The following CDIN1 variants were observed in gnomAD, a reference collection of about 807,000 sequenced individuals.
CDIN1 encodes CDAN1 interacting nuclease 1.
A neutral mutation model predicts 45.3 loss-of-function variants in CDIN1; 33 were observed. The ratio of observed to expected loss-of-function variants is 0.73; its 90% CI spans 0.55 to 0.97. CDIN1 has a LOEUF of 0.97. Among genes scored for constraint, CDIN1 ranks in the 50% least tolerant of loss-of-function variants. The pLI, the probability that CDIN1 is intolerant of heterozygous loss-of-function variation, is 0.00. For synonymous variants in CDIN1, 118 were observed against 124.4 expected (o/e 0.95, Z 0.34); for missense variants, 303 against 339.4 (o/e 0.89, Z 0.84).
chr15:36,644,987 A>G (rs1447981150), intron 2 of CDIN1, among the ~76,000 whole-genome samples: 1 of 152,180 alleles, frequency 6.6e-6, no homozygotes, highest in Non-Finnish European at 1.5e-5. Context: ...GCTTTTACAT[A>G]TATACCGTAC....
At chr15:36,594,548 A>G (rs1399521847) in intron 1 of CDIN1, among the ~76,000 whole-genome samples, 2 of 152,236 alleles carry the variant, frequency 1.3e-5, no homozygotes, top group Admixed American at 6.5e-5. Flanking sequence ...CAATGGCACA[A>G]TAAATTGCTG....
intron 10 of CDIN1, chr15:36,756,100 G>C (rs190087872): frequency 4.4e-6 from 2 of 455,926 alleles, no homozygotes; most frequent in South Asian, 1.5e-5. Context: ...GTTTGACCCC[G>C]AACATGGTGA....
At chr15:36,689,216 T>C (rs1419771317) in intron 5 of CDIN1, among the ~76,000 whole-genome samples, 3 of 152,250 alleles carry the variant, frequency 2.0e-5, no homozygotes, top group Admixed American at 6.5e-5. Flanking sequence ...GTCATCAGTT[T>C]ATTTTTTCTT....
At position 36,703,412 on chromosome 15, in the gene CDIN1, A is replaced by G. The variant is rs114860431; in HGVS notation, c.545-5811A>G. On this transcript the variant is annotated intron_variant, in intron 8 of 10. Coordinates refer to ENST00000566621, the MANE Select transcript of CDIN1 (RefSeq NM_001321759.2). Reference sequence around the variant, plus strand: ...AGATATATATATATATGATATACATATATATCAGATATATATATATCAGAA... The same window carrying G: ...AGATATATATATATATGATATACATGTATATCAGATATATATATATCAGAA... Among the ~76,000 whole-genome samples, 506 of 126,990 alleles carry G rather than the reference A, an allele frequency of 4.0e-3. 61 individuals are homozygous for G. Among genetic ancestry groups the G allele is most frequent in the African/African-American group, 0.019 (457 of 24,072 alleles). 83.3% of individuals were successfully genotyped at this position (126,990 alleles called of 152,430 possible).
chr15:36,744,658 C>A (rs902396930), intron 10 of CDIN1, among the ~76,000 whole-genome samples: 1 of 152,026 alleles, frequency 6.6e-6, no homozygotes. Context: ...TTTTTCCAAC[C>A]ACCTGTGATA....
chr15:36,744,997 G>A (rs1415936706), intron 10 of CDIN1, among the ~76,000 whole-genome samples: 1 of 152,102 alleles, frequency 6.6e-6, no homozygotes, highest in East Asian at 1.9e-4. Flanking sequence ...AAGCAGAAAG[G>A]GTGAATAAGT....
intron 1 of CDIN1, among the ~76,000 whole-genome samples, chr15:36,580,467 A>G (rs937514060): frequency 6.6e-6 from 1 of 152,170 alleles, no homozygotes; most frequent in Non-Finnish European, 1.5e-5. Flanking sequence ...TCTCAATCCA[A>G]TCAGAGAGCA....
chr15:36,754,524 A>G (rs929274118), intron 10 of CDIN1, among the ~76,000 whole-genome samples: 3 of 151,478 alleles, frequency 2.0e-5, no homozygotes, highest in Non-Finnish European at 4.4e-5. Context: ...ACTCTTTTGA[A>G]AACTCCCTCT....
At chr15:36,804,322 A>G (rs1368879376) in intron 10 of CDIN1, among the ~76,000 whole-genome samples, 1 of 152,140 alleles carries the variant, frequency 6.6e-6, no homozygotes, top group Non-Finnish European at 1.5e-5. Flanking sequence ...GGTCATTAAT[A>G]AAATTGCCAT....
intron 10 of CDIN1, among the ~76,000 whole-genome samples, chr15:36,739,932 A>G (rs1204177666): frequency 2.0e-5 from 3 of 152,244 alleles, no homozygotes; most frequent in Non-Finnish European, 4.4e-5. Flanking sequence ...CTGATTGAAT[A>G]TGTATCTAAA....
At chr15:36,649,018 G>A (rs1038248867) in intron 3 of CDIN1, among the ~76,000 whole-genome samples, 51 of 152,068 alleles carry the variant, frequency 3.4e-4, no homozygotes, top group Non-Finnish European at 1.2e-4. Flanking sequence ...ATTTGAGGTT[G>A]TATTTATCTT....
intron 1 of CDIN1, among the ~76,000 whole-genome samples, chr15:36,598,564 T>G (rs985838117): frequency 3.3e-5 from 5 of 152,154 alleles, no homozygotes; most frequent in African/African-American, 1.2e-4. Flanking sequence ...TCATTTTCCT[T>G]GTCCTGGAGA....
intron 10 of CDIN1, among the ~76,000 whole-genome samples, chr15:36,765,534 C>T (rs956317416): frequency 6.6e-6 from 1 of 152,126 alleles, no homozygotes. Flanking sequence ...CAAACACAGG[C>T]CTTCTAACTC....
chr15:36,737,779 A>G (rs764137046), intron 10 of CDIN1, among the ~76,000 whole-genome samples: 5 of 152,210 alleles, frequency 3.3e-5, no homozygotes, highest in African/African-American at 4.8e-5. Context: ...AAATGCCTGG[A>G]GCTGCTTTTT....
intron 1 of CDIN1, among the ~76,000 whole-genome samples, chr15:36,600,501 T>C (rs1415987695): frequency 6.6e-6 from 1 of 152,216 alleles, no homozygotes; most frequent in Non-Finnish European, 1.5e-5. Context: ...TTCTCTGTTA[T>C]TTGGAGTTTA....
In CDIN1 at chr15:36,746,870, C is replaced by A. The variant is rs546381246; in HGVS notation, c.716+36909C>A. 392 of 349,512 alleles carry A rather than the reference C, an allele frequency of 1.1e-3. 4 individuals are homozygous for A. The highest frequency in any genetic ancestry group is 8.1e-3 in the African/African-American group (369 of 45,646). The allele number at this position is 349,512 out of a possible 1,614,324, so 21.7% of individuals were successfully genotyped here. A position where few individuals can be genotyped will look rare whatever the true frequency, so the allele number is the denominator to read the frequency against. On this transcript the variant is annotated intron_variant, in intron 10 of 10. Transcript: ENST00000566621. ...GCTCAAGTGACCCTCCCACCTCAGT[C>A]TCCCAAGTAGCTGGGACTGCAGGTG...
In CDIN1 at chr15:36,626,627, A is replaced by G. The variant is rs533532252; in HGVS notation, c.102-17651A>G. 1.6e-4 allele frequency: 49 copies of G among 314,506 alleles called. No individual in the cohort carries two copies. The Admixed American group carries it at 1.8e-3, about 11-fold the overall frequency. 19.5% of individuals were successfully genotyped at this position (314,506 alleles called of 1,614,324 possible). A position where few individuals can be genotyped will look rare whatever the true frequency, so the allele number is the denominator to read the frequency against. On this transcript the variant is annotated intron_variant, in intron 1 of 10. Transcript: ENST00000566621. ...AGGGGTCCAACTTCCACTTAAATGC[A>G]GTTTCTTCTCTTTTGGGCAACAAAG...
intron 10 of CDIN1, among the ~76,000 whole-genome samples, chr15:36,748,832 G>A (rs1379553333): frequency 1.3e-5 from 2 of 152,022 alleles, no homozygotes; most frequent in African/African-American, 2.4e-5. Flanking sequence ...AGAAACTGCC[G>A]ACAGACCCAA....
In CDIN1 at chr15:36,782,370, G is replaced by T. The variant is rs144732894; in HGVS notation, c.717-25954G>T. Among the ~76,000 whole-genome samples, 28 of 152,170 alleles carry T rather than the reference G, an allele frequency of 1.8e-4. No individual in the cohort carries two copies. In the East Asian group the frequency reaches 4.1e-3, roughly 22 times the overall value. On this transcript the variant is annotated intron_variant, in intron 10 of 10. Transcript: ENST00000566621. ...CATTCACATTTTACAAGAAAATGAG[G>T]CAAAACCGCATTTTAATACTGCCAG... is the stretch of plus-strand genomic sequence containing the variant.
Sources: allele counts gnomAD v4.1 joint callset (sites outside exome capture counted in the v4.1 genomes callset), GRCh38; gene constraint gnomAD v4.1.1; transcripts MANE v1.5; gene names NCBI Gene and HGNC (gene_info 2026-07-23, HGNC 2026-07-21).